Variants in FHIT observed in about 807,000 individuals in gnomAD.
The protein encoded by FHIT is bis(5'-adenosyl)-triphosphatase.
A neutral mutation model predicts 17.9 loss-of-function variants in FHIT; 19 were observed. That is an observed-to-expected ratio of 1.06 (90% CI 0.74 to 1.56). The LOEUF (loss-of-function observed/expected upper bound fraction) is 1.56. Among genes scored for constraint, FHIT ranks in the 40% most tolerant of loss-of-function variants. The pLI is 0.00. For synonymous variants in FHIT, 81 were observed against 69.7 expected (o/e 1.16, Z -0.81); for missense variants, 248 against 189.2 (o/e 1.31, Z -1.82).
intron 5 of FHIT, among the ~76,000 whole-genome samples, chr3:60,530,426 C>T (rs1341812467): frequency 6.6e-6 from 1 of 152,208 alleles, no homozygotes; most frequent in Non-Finnish European, 1.5e-5. Context: ...CTTCCTTGCA[C>T]ACATACAAAG....
At chr3:60,516,078 T>G (rs756178704) in intron 5 of FHIT, among the ~76,000 whole-genome samples, 88 of 152,302 alleles carry the variant, frequency 5.8e-4, no homozygotes, top group Non-Finnish European at 1.0e-3. Context: ...AAACATACTA[T>G]GGGTTCAGAG....
intron 2 of FHIT, among the ~76,000 whole-genome samples, chr3:61,093,020 G>A (rs2035533150): frequency 6.6e-6 from 1 of 152,154 alleles, no homozygotes; most frequent in Non-Finnish European, 1.5e-5. Flanking sequence ...GGCCCTGAGG[G>A]CACACAGAGC....
intron 5 of FHIT, among the ~76,000 whole-genome samples, chr3:60,150,574 A>G (rs1301545776): frequency 1.3e-5 from 2 of 152,160 alleles, no homozygotes; most frequent in Non-Finnish European, 2.9e-5. Context: ...CTCCCACCTC[A>G]GTCTCGAAAG....
intron 4 of FHIT, among the ~76,000 whole-genome samples, chr3:60,584,697 AC>A (rs2037852134): frequency 6.6e-6 from 1 of 152,058 alleles, no homozygotes; most frequent in Non-Finnish European, 1.5e-5. Context: ...GAAAGAAGTT[AC>A]AAAGTCCTGC....
At chr3:61,239,792 T>TATATATATG (rs1410189265) in intron 1 of FHIT, among the ~76,000 whole-genome samples, 1 of 143,676 alleles carries the variant, frequency 7.0e-6, no homozygotes, top group African/African-American at 2.7e-5. Flanking sequence ...TATACACAAA[T>TATATATATG]TCTAAACAAT....
At chr3:60,380,698 C>G (rs1700762916) in intron 5 of FHIT, among the ~76,000 whole-genome samples, 1 of 152,214 alleles carries the variant, frequency 6.6e-6, no homozygotes, top group East Asian at 1.9e-4. Context: ...CTTTTCAGAC[C>G]TATATTAAAA....
intron 4 of FHIT, among the ~76,000 whole-genome samples, chr3:60,744,574 C>A (rs1047601714): frequency 2.0e-5 from 3 of 152,054 alleles, no homozygotes; most frequent in African/African-American, 7.2e-5. Context: ...TCCTGCAGTC[C>A]CAGAGAGATT....
intron 5 of FHIT, among the ~76,000 whole-genome samples, chr3:60,229,934 A>T (rs1704411393): frequency 6.6e-6 from 1 of 152,098 alleles, no homozygotes; most frequent in Non-Finnish European, 1.5e-5. Flanking sequence ...GTGAGCTATG[A>T]TTGTGCCACT....
At chr3:60,991,868 C>T (rs2030254896) in intron 3 of FHIT, among the ~76,000 whole-genome samples, 1 of 152,112 alleles carries the variant, frequency 6.6e-6, no homozygotes. Context: ...TCAGCAACTA[C>T]TCTGATCATT....
intron 3 of FHIT, among the ~76,000 whole-genome samples, chr3:60,914,675 C>T (rs577215692): frequency 2.6e-5 from 4 of 152,314 alleles, no homozygotes; most frequent in South Asian, 2.1e-4. Flanking sequence ...TGCCTCATAA[C>T]GTCCACCTTT....
At chr3:60,747,093 C>G (rs1007661537) in intron 4 of FHIT, among the ~76,000 whole-genome samples, 1 of 151,142 alleles carries the variant, frequency 6.6e-6, no homozygotes, top group Non-Finnish European at 1.5e-5. Context: ...TCCTTTAAAA[C>G]TAAGATCACA....
At chr3:61,090,413 C>G (rs2035444355) in intron 2 of FHIT, among the ~76,000 whole-genome samples, 1 of 152,204 alleles carries the variant, frequency 6.6e-6, no homozygotes, top group Non-Finnish European at 1.5e-5. Flanking sequence ...GGATTTTCCC[C>G]AAGGCTTCTG....
chr3:60,348,841 T>C (rs1229820194), intron 5 of FHIT, among the ~76,000 whole-genome samples: 1 of 152,224 alleles, frequency 6.6e-6, no homozygotes, highest in Non-Finnish European at 1.5e-5. Context: ...CATTAGAACA[T>C]GCCAGGGATA....
At chr3:60,460,057 GTCC>G (rs559959218) in intron 5 of FHIT, among the ~76,000 whole-genome samples, 16 of 152,056 alleles carry the variant, frequency 1.1e-4, no homozygotes, top group Non-Finnish European at 2.1e-4. Flanking sequence ...ACTTCTTATA[GTCC>G]TCCTCTCCAC....
chr3:60,280,342 G>T (rs1437668513), intron 5 of FHIT, among the ~76,000 whole-genome samples: 2 of 152,132 alleles, frequency 1.3e-5, no homozygotes, highest in Non-Finnish European at 2.9e-5. Flanking sequence ...ATCTCCCAAA[G>T]ATATCAGGTC....
chr3:60,109,878 C>T (rs9311749), intron 5 of FHIT, among the ~76,000 whole-genome samples: 91,526 of 151,980 alleles, frequency 0.6, 27,877 homozygotes, highest in Non-Finnish European at 0.64. Flanking sequence ...ATGTATTTCT[C>T]GTACTTCCCC....
At chr3:59,779,432 G>T (rs1214400246) in intron 8 of FHIT, among the ~76,000 whole-genome samples, 2 of 152,114 alleles carry the variant, frequency 1.3e-5, no homozygotes, top group Admixed American at 1.3e-4. Flanking sequence ...GGTTTCCAGG[G>T]AGCCTTCAAT....
chr3:60,631,331 A>G (rs1383759447), intron 4 of FHIT, among the ~76,000 whole-genome samples: 1 of 152,206 alleles, frequency 6.6e-6, no homozygotes, highest in Non-Finnish European at 1.5e-5. Context: ...GACTGAAACC[A>G]CCAAAATCAA....
rs369174888 is a variant in FHIT, at chr3:60,155,730, G to A, written c.104-141578C>T. Reference sequence around the variant, plus strand: ...ATTTACTGCTAATAAAGAATACCACGTTGACTCCATGCGTTAGCTTTGTTT... The same window carrying A: ...ATTTACTGCTAATAAAGAATACCACATTGACTCCATGCGTTAGCTTTGTTT... On this transcript the variant is annotated intron_variant, in intron 5 of 9. Transcript: ENST00000492590. Among the ~76,000 whole-genome samples the A allele has an allele frequency of 1.6e-4, 25 of 152,238 alleles. No individual in the cohort carries two copies. The South Asian group carries it at 4.8e-3, about 29-fold the overall frequency.
Sources: gnomAD v4.1 joint callset for allele counts (sites outside exome capture counted in the v4.1 genomes callset) on GRCh38, gnomAD v4.1.1 for gene constraint, MANE v1.5 for transcripts, NCBI Gene and HGNC (gene_info 2026-07-23, HGNC 2026-07-21) for gene names.